NALCN: variants seen among roughly 807,000 people sequenced by gnomAD.
NALCN encodes sodium leak channel NALCN.
Under a neutral mutation model 225.3 loss-of-function variants are expected in NALCN, and 111 were observed. That is an observed-to-expected ratio of 0.49 (90% CI 0.42 to 0.58). The LOEUF (loss-of-function observed/expected upper bound fraction) is 0.58, where lower values mean the gene tolerates loss of function less well. NALCN is among the 20% of genes least tolerant of loss of function. NALCN has a pLI of 0.00. For missense variants in NALCN, 1,378 were observed against 2,202.4 expected (o/e 0.63, Z 7.49); for synonymous variants, 764 against 769.0 (o/e 0.99, Z 0.11).
chr13:101,059,925 T>C lies in NALCN; in HGVS notation c.4798A>G (p.Ser1600Gly). ...AACCGGCTCAGCTCTTGCTGCTGAC[T>C]CTCTCTCAGGCTGTGGATGATACTG... The part of the protein sequence containing the change: ...SCSIIHSLRE[S>G]QQQELSRFLN... Residue 1600 changes from serine (S) to glycine (G), a missense_variant, in exon 42 of 44, where the codon AGT (serine) becomes GGT (glycine). Physicochemically the swap from Ser to Gly is moderately conservative, Grantham distance 56. Around this residue, in one of 19 missense-constraint regions of NALCN, gnomAD observed 94 missense variants for 170.3 expected, o/e 0.55. Transcript: ENST00000251127. 6.2e-7 allele frequency: 1 copy of C among 1,614,048 alleles called. No homozygotes were observed. Among genetic ancestry groups the C allele is most frequent in the Non-Finnish European group, 8.5e-7 (1 of 1,179,990 alleles).
intron 38 of NALCN, among the ~76,000 whole-genome samples, chr13:101,068,429 C>A (rs900237397): frequency 6.6e-6 from 1 of 152,144 alleles, no homozygotes; most frequent in East Asian, 1.9e-4. Context: ...ATAGTCCTCT[C>A]TGATATTTGT....
At chr13:101,185,339 T>C (rs1265876561) in intron 14 of NALCN, among the ~76,000 whole-genome samples, 1 of 152,250 alleles carries the variant, frequency 6.6e-6, no homozygotes, top group Non-Finnish European at 1.5e-5. Context: ...GCTGTGTTAA[T>C]TTCAGCACTT....
intron 26 of NALCN, among the ~76,000 whole-genome samples, 176 bp from the exon 27 acceptor site, chr13:101,101,064 A>G (rs2034786070): frequency 6.6e-6 from 1 of 152,144 alleles, no homozygotes; most frequent in African/African-American, 2.4e-5. Flanking sequence ...TGGAAGGTCA[A>G]AAGGAGAAAA....
In NALCN at chr13:101,264,773, T is replaced by G. The variant is rs190784976; in HGVS notation, c.1135-6199A>C. Among the ~76,000 whole-genome samples the G allele has an allele frequency of 2.7e-3, 417 of 152,318 alleles. 4 individuals carry two copies. The highest frequency in any genetic ancestry group is 9.7e-3 in the African/African-American group (404 of 41,580). On this transcript the variant is annotated intron_variant, in intron 10 of 43. Coordinates refer to ENST00000251127, the MANE Select transcript of NALCN (RefSeq NM_052867.4). ...AGATGCTGGCTGGAATGTAATATGT[T>G]GGACTACACTAACATAAAAATGGCT... is the stretch of plus-strand genomic sequence containing the variant.
intron 14 of NALCN, among the ~76,000 whole-genome samples, chr13:101,176,637 T>A (rs911890919): frequency 6.6e-6 from 1 of 152,226 alleles, no homozygotes; most frequent in Non-Finnish European, 1.5e-5. Context: ...AAAGGTTTTT[T>A]TGAACTCAAC....
intron 4 of NALCN, 115 bp from the exon 5 acceptor site, chr13:101,377,171 C>T (rs1594760424): frequency 7.6e-7 from 1 of 1,308,912 alleles, no homozygotes; most frequent in Admixed American, 2.5e-5. Context: ...TGAATTTAGC[C>T]ATACATTATT....
chr13:101,285,788 C>T (rs1472092833), intron 9 of NALCN, among the ~76,000 whole-genome samples: 1 of 152,182 alleles, frequency 6.6e-6, no homozygotes, highest in South Asian at 2.1e-4. Flanking sequence ...TGTTATAGGA[C>T]CTTGTAAAGT....
chr13:101,245,346 AAAG>A (rs1320462508), intron 11 of NALCN, among the ~76,000 whole-genome samples: 1 of 152,070 alleles, frequency 6.6e-6, no homozygotes, highest in Non-Finnish European at 1.5e-5. Flanking sequence ...AATGCATAGA[AAAG>A]AAGAGAAATA....
intron 13 of NALCN, among the ~76,000 whole-genome samples, chr13:101,206,995 T>C (rs1020275296): frequency 1.3e-5 from 2 of 152,160 alleles, no homozygotes; most frequent in Non-Finnish European, 2.9e-5. Flanking sequence ...TTAGTCATTC[T>C]ACTATGGTTG....
At position 101,103,216 on chromosome 13, in the gene NALCN, T is replaced by A. The variant is rs369397333; in HGVS notation, c.3013A>T (p.Lys1005Ter). ...RIFKLVPQMR[K>*]VVRELFSGFK... ...CCGCTGAAAAGTTCTCGAACAACTT[T>A]CCTCATCTGGGGCACCAGTTTGAAT... Residue 1005 changes from lysine (K) to a stop codon, truncating the protein, a stop_gained, in exon 26 of 44, where the codon AAA (lysine) becomes TAA (stop). Coordinates refer to ENST00000251127, the MANE Select transcript of NALCN (RefSeq NM_052867.4). LOFTEE classifies it high-confidence loss of function. 1.2e-6 allele frequency: 2 copies of A among 1,613,640 alleles called. No individual in the cohort carries two copies. The highest frequency in any genetic ancestry group is 2.7e-5 in the African/African-American group (2 of 74,874).
chr13:101,412,142 T>C (rs2047807582), intron 1 of NALCN, among the ~76,000 whole-genome samples: 1 of 152,230 alleles, frequency 6.6e-6, no homozygotes, highest in South Asian at 2.1e-4. Flanking sequence ...TTTTGGTACA[T>C]GATAACTTAT....
rs1298172260 is a variant in NALCN, at chr13:101,337,316, A to ATTTT, written c.799+7949_799+7950insAAAA. 1.4e-3 allele frequency among the ~76,000 whole-genome samples: 207 copies of ATTTT among 147,976 alleles called. 1 individual carries two copies. Among genetic ancestry groups the ATTTT allele is most frequent in the African/African-American group, 4.5e-3 (177 of 38,966 alleles). On this transcript the variant is annotated intron_variant, in intron 7 of 43. Transcript: ENST00000251127. ...TATTTATTTATTTATTTATTTATTTATTTATTTTTTGAGACAGAGTCTTGC... is the reference window on the plus strand; with the variant it reads ...TATTTATTTATTTATTTATTTATTTATTTTTTTATTTTTTGAGACAGAGTCTTGC...
At chr13:101,329,832 A>T (rs1360013382) in intron 7 of NALCN, among the ~76,000 whole-genome samples, 1 of 151,950 alleles carries the variant, frequency 6.6e-6, no homozygotes, top group South Asian at 2.1e-4. Context: ...TGAGGTCAGG[A>T]GTTCTAAACC....
intron 13 of NALCN, among the ~76,000 whole-genome samples, chr13:101,220,620 T>C (rs576300652): frequency 1.8e-4 from 28 of 152,266 alleles, no homozygotes; most frequent in Non-Finnish European, 3.4e-4. Context: ...AATAACTGAT[T>C]AGGGGGCCTG....
At chr13:101,406,932 A>G (rs1316579299) in intron 1 of NALCN, among the ~76,000 whole-genome samples, 2 of 152,232 alleles carry the variant, frequency 1.3e-5, no homozygotes, top group African/African-American at 2.4e-5. Context: ...TCCTAGAGTT[A>G]GTTTTAGTCT....
chr13:101,173,964 T>C (rs2038855228), intron 15 of NALCN, among the ~76,000 whole-genome samples: 1 of 152,110 alleles, frequency 6.6e-6, no homozygotes, highest in Non-Finnish European at 1.5e-5. Context: ...AATATGCAAA[T>C]GAGCCCTACC....
intron 10 of NALCN, among the ~76,000 whole-genome samples, chr13:101,281,952 T>A (rs550624): frequency 0.8 from 121,086 of 152,136 alleles, 49,048 homozygotes; most frequent in Non-Finnish European, 0.87. Flanking sequence ...TTAAACCACA[T>A]TGAGATATCA....
chr13:101,308,822 C>G (rs2044241619), intron 7 of NALCN, among the ~76,000 whole-genome samples: 1 of 152,090 alleles, frequency 6.6e-6, no homozygotes, highest in African/African-American at 2.4e-5. Flanking sequence ...TAAAACAGCT[C>G]TTTTTTTCTC....
chr13:101,192,133 G>A, intron 13 of NALCN, 79 bp from the exon 14 acceptor site: 2 of 1,481,100 alleles, frequency 1.4e-6, no homozygotes, highest in Non-Finnish European at 1.8e-6. Flanking sequence ...GATGTTTGAA[G>A]ACTTTGATCT....
Sources: gnomAD v4.1 joint callset for allele counts (sites outside exome capture counted in the v4.1 genomes callset) on GRCh38, gnomAD v4.1.1 for gene constraint, gnomAD v4.1.1 regional missense constraint, MANE v1.5 for transcripts, NCBI Gene and HGNC (gene_info 2026-07-23, HGNC 2026-07-21) for gene names.